Variants in RAD54L2 observed in about 807,000 individuals in gnomAD.
The protein encoded by RAD54L2 is RAD54 like 2.
Under a neutral mutation model 138.4 loss-of-function variants are expected in RAD54L2, and 27 were observed. The ratio of observed to expected loss-of-function variants is 0.20; its 90% CI spans 0.14 to 0.27. RAD54L2 has a LOEUF of 0.27. RAD54L2 is among the 10% of genes least tolerant of loss of function. The pLI is 1.00. For missense variants in RAD54L2, 1,396 were observed against 1,890.2 expected (o/e 0.74, Z 4.85); for synonymous variants, 644 against 723.2 (o/e 0.89, Z 1.76).
intron 2 of RAD54L2, among the ~76,000 whole-genome samples, chr3:51,561,224 C>T (rs1699089926): frequency 6.6e-6 from 1 of 152,152 alleles, no homozygotes; most frequent in South Asian, 2.1e-4. Context: ...GCTTTCTTGT[C>T]TCTGAATCAT....
At chr3:51,658,382 A>G (rs1022712054) in intron 21 of RAD54L2, among the ~76,000 whole-genome samples, 2 of 152,174 alleles carry the variant, frequency 1.3e-5, no homozygotes, top group African/African-American at 4.8e-5. Flanking sequence ...TAGGATATGT[A>G]TTATGTGGAT....
intron 16 of RAD54L2, 98 bp from the exon 17 acceptor site, chr3:51,644,926 A>G: frequency 8.3e-7 from 1 of 1,207,398 alleles, no homozygotes; most frequent in Non-Finnish European, 1.2e-6. Flanking sequence ...AGGGCTTAGG[A>G]CAGAGTAATA....
chr3:51,565,834 C>G (rs1371798201), intron 2 of RAD54L2, among the ~76,000 whole-genome samples: 1 of 147,644 alleles, frequency 6.8e-6, no homozygotes, highest in Non-Finnish European at 1.5e-5. Context: ...CCCCACCCCC[C>G]CCTTTTTTTT....
intron 2 of RAD54L2, among the ~76,000 whole-genome samples, chr3:51,571,413 A>T (rs1174240696): frequency 6.9e-6 from 1 of 145,274 alleles, no homozygotes; most frequent in Admixed American, 6.9e-5. Context: ...TTTTTTAAAG[A>T]CATAGTCTTG....
At chr3:51,539,375 G>C (rs186501870) in intron 1 of RAD54L2, among the ~76,000 whole-genome samples, 137 of 152,298 alleles carry the variant, frequency 9.0e-4, no homozygotes, top group African/African-American at 3.2e-3. Flanking sequence ...TGGCAGACTG[G>C]GGTCGGGCTG....
At chr3:51,595,934 T>G (rs1457046773) in intron 3 of RAD54L2, among the ~76,000 whole-genome samples, 3 of 145,656 alleles carry the variant, frequency 2.1e-5, no homozygotes, top group Non-Finnish European at 3.0e-5. Context: ...TCATTCAGTC[T>G]TCTTTTTTTT....
Position 51,629,325 on chromosome 3 carries a change from A to G in RAD54L2, c.342-9A>G. 1 of 1,578,328 alleles carries G rather than the reference A, an allele frequency of 6.3e-7. No homozygotes were observed. Among genetic ancestry groups the G allele is most frequent in the Non-Finnish European group, 8.6e-7 (1 of 1,161,808 alleles). Reference sequence around the variant, plus strand: ...GAACCCAAGTGCTGTCTCTTATGTGAATGTTTAGAAAGCTACTCCGGGAGG... The same window carrying G: ...GAACCCAAGTGCTGTCTCTTATGTGGATGTTTAGAAAGCTACTCCGGGAGG... On this transcript the variant is annotated splice_polypyrimidine_tract_variant and intron_variant, in intron 4 of 22. Transcript: ENST00000684192.
At chr3:51,660,451 G>A (rs1701734353) in intron 22 of RAD54L2, among the ~76,000 whole-genome samples, 1 of 151,468 alleles carries the variant, frequency 6.6e-6, no homozygotes, top group Non-Finnish European at 1.5e-5. Context: ...TGAGACTACA[G>A]GCGCCCGCCA....
At chr3:51,583,429 AT>A (rs1173291351) in intron 2 of RAD54L2, among the ~76,000 whole-genome samples, 181 of 143,334 alleles carry the variant, frequency 1.3e-3, no homozygotes, top group Non-Finnish European at 1.1e-3. Flanking sequence ...CTTTTTTTTT[AT>A]TTTTTTTTTT....
At chr3:51,564,238 G>A (rs4687721) in intron 2 of RAD54L2, among the ~76,000 whole-genome samples, 136,904 of 152,262 alleles carry the variant, frequency 0.9, 61,786 homozygotes, top group African/African-American at 0.97. Flanking sequence ...AAAACAGGGA[G>A]TGCTTCACTT....
At position 51,664,552 on chromosome 3, in the gene RAD54L2, TG is replaced by T; in HGVS notation, c.*1138del. ...TTCATGTGTCTTGTTTATTTGGGGG[TG>T]GGGGGAGGTTAGGGGTAAGGAGGGT... On this transcript the variant is annotated 3_prime_UTR_variant, in exon 23 of 23. Transcript: ENST00000684192. 1 of 148,790 alleles carries T rather than the reference TG, an allele frequency of 6.7e-6. No individual in the cohort carries two copies. The highest frequency in any genetic ancestry group is 1.5e-5 in the Non-Finnish European group (1 of 67,220). The allele number at this position is 148,790 out of a possible 1,614,324, so 9.2% of individuals were successfully genotyped here. A position where few individuals can be genotyped will look rare whatever the true frequency, so the allele number is the denominator to read the frequency against.
Position 51,590,544 on chromosome 3 carries a change from G to C in RAD54L2, c.124G>C (p.Glu42Gln). 1 of 1,552,452 alleles carries C rather than the reference G, an allele frequency of 6.4e-7. No individual in the cohort carries two copies. Among genetic ancestry groups the C allele is most frequent in the South Asian group, 1.2e-5 (1 of 84,064 alleles). The change falls in exon 3 of 23, where the codon GAA (glutamate) becomes CAA (glutamine). Residue 42 changes from glutamate to glutamine, a missense_variant. Coordinates refer to ENST00000684192, the MANE Select transcript of RAD54L2 (RefSeq NM_015106.4). ...AVEECDRDDE[E>Q]DLLDDPSLEG... ...GGAGGAGTGTGACAGGGATGATGAA[G>C]AAGACCTGCTGGATGGTAAGTGGGC...
At chr3:51,612,737 G>C (rs373594810) in intron 3 of RAD54L2, among the ~76,000 whole-genome samples, 117 of 150,224 alleles carry the variant, frequency 7.8e-4, no homozygotes, top group African/African-American at 2.8e-3. Context: ...GTCAGTTTAA[G>C]CAATCTTTTC....
At chr3:51,586,025 C>T (rs954606604) in intron 2 of RAD54L2, among the ~76,000 whole-genome samples, 3 of 152,086 alleles carry the variant, frequency 2.0e-5, no homozygotes, top group Non-Finnish European at 2.9e-5. Context: ...CCGCCCCCAC[C>T]GCCACCAACC....
chr3:51,594,066 CTTTTTTTTTTTTT>C (rs904101025), intron 3 of RAD54L2, among the ~76,000 whole-genome samples: 5 of 105,130 alleles, frequency 4.8e-5, no homozygotes, highest in South Asian at 3.2e-4. Context: ...TTTTCTTTTT[CTTTTTTTTTTTTT>C]TTTTTTTTTG....
At chr3:51,651,413 G>A (rs2666533) in intron 19 of RAD54L2, among the ~76,000 whole-genome samples, 4 of 152,110 alleles carry the variant, frequency 2.6e-5, no homozygotes, top group African/African-American at 4.8e-5. Context: ...AGAAAAAGAG[G>A]AAATTCTCCC....
intron 14 of RAD54L2, among the ~76,000 whole-genome samples, chr3:51,640,998 C>G (rs1701119468): frequency 6.6e-6 from 1 of 151,944 alleles, no homozygotes; most frequent in Admixed American, 6.6e-5. Context: ...CTTTCTGTTT[C>G]TTTTTCTTTT....
At chr3:51,559,017 G>A (rs1699037823) in intron 2 of RAD54L2, among the ~76,000 whole-genome samples, 1 of 151,956 alleles carries the variant, frequency 6.6e-6, no homozygotes, top group African/African-American at 2.4e-5. Flanking sequence ...GGGATTACAG[G>A]CGTATACCAC....
intron 3 of RAD54L2, among the ~76,000 whole-genome samples, chr3:51,617,038 G>C (rs1700460876): frequency 6.6e-6 from 1 of 152,172 alleles, no homozygotes; most frequent in African/African-American, 2.4e-5. Context: ...AGATTCATCT[G>C]TGTTGTTGCA....
Sources: gnomAD v4.1 joint callset for allele counts (sites outside exome capture counted in the v4.1 genomes callset) on GRCh38, gnomAD v4.1.1 for gene constraint, MANE v1.5 for transcripts, NCBI Gene and HGNC (gene_info 2026-07-23, HGNC 2026-07-21) for gene names.